Variants in EPHA6 observed in about 807,000 individuals in gnomAD.
EPHA6 encodes the protein ephrin type-A receptor 6.
A neutral mutation model predicts 112.0 loss-of-function variants in EPHA6; 50 were observed. The observed-to-expected ratio is 0.45, with a 90% confidence interval of 0.36 to 0.56. The LOEUF is 0.56. EPHA6 is among the 20% of genes least tolerant of loss of function. The pLI is 0.00. For synonymous variants in EPHA6, 529 were observed against 490.7 expected (o/e 1.08, Z -1.03); for missense variants, 1,280 against 1,417.4 (o/e 0.90, Z 1.56).
intron 2 of EPHA6, among the ~76,000 whole-genome samples, chr3:96,951,917 TC>T (rs1379841528): frequency 2.0e-5 from 3 of 152,232 alleles, no homozygotes; most frequent in African/African-American, 7.2e-5. Context: ...TAGCATGGTC[TC>T]CAGGAAGGAA....
rs549262366 is a variant in EPHA6, at chr3:97,251,434, T to G, written c.1606+7147T>G. 1.3e-3 allele frequency among the ~76,000 whole-genome samples: 201 copies of G among 151,812 alleles called. 1 individual carries two copies. The highest frequency in any genetic ancestry group is 4.2e-3 in the African/African-American group (173 of 41,468). On this transcript the variant is annotated intron_variant, in intron 5 of 17. Coordinates refer to ENST00000389672, the MANE Select transcript of EPHA6 (RefSeq NM_001080448.3). ...AGTCCCAGCTACTCGGGAGGCTGAA[T>G]CAGGAGAATGGCCTGAACCCAGGAG...
At chr3:97,334,604 C>A (rs1419304245) in intron 5 of EPHA6, among the ~76,000 whole-genome samples, 6 of 151,534 alleles carry the variant, frequency 4.0e-5, no homozygotes, top group African/African-American at 1.5e-4. Flanking sequence ...TTCAGCCTCT[C>A]AAGTAGCTGG....
intron 17 of EPHA6, 51 bp downstream of exon 17, chr3:97,747,623 T>TA: frequency 2.7e-6 from 4 of 1,487,622 alleles, no homozygotes; most frequent in Non-Finnish European, 3.6e-6. Context: ...CTGGGGATTA[T>TA]AAGTTCAAAT....
At chr3:96,912,727 A>G (rs1211129704) in intron 2 of EPHA6, among the ~76,000 whole-genome samples, 8 of 152,052 alleles carry the variant, frequency 5.3e-5, no homozygotes, top group Non-Finnish European at 1.2e-4. Context: ...AGCTAGGACT[A>G]CAGGTGTGTG....
At chr3:96,899,350 C>T (rs2107566502) in intron 2 of EPHA6, among the ~76,000 whole-genome samples, 1 of 152,166 alleles carries the variant, frequency 6.6e-6, no homozygotes, top group Non-Finnish European at 1.5e-5. Flanking sequence ...TCATTATTAT[C>T]TTAATTACAT....
intron 2 of EPHA6, among the ~76,000 whole-genome samples, chr3:96,945,506 C>T (rs62263701): frequency 6.6e-6 from 1 of 152,122 alleles, no homozygotes; most frequent in African/African-American, 2.4e-5. Flanking sequence ...GTGTTACTAA[C>T]CCTACAAAAT....
At chr3:97,395,188 C>T (rs1191808220) in intron 5 of EPHA6, among the ~76,000 whole-genome samples, 1 of 151,588 alleles carries the variant, frequency 6.6e-6, no homozygotes, top group Non-Finnish European at 1.5e-5. Flanking sequence ...GCATATAAGT[C>T]TCATGTATAT....
intron 3 of EPHA6, among the ~76,000 whole-genome samples, chr3:97,207,065 CA>C (rs1265596852): frequency 6.6e-6 from 1 of 151,982 alleles, no homozygotes; most frequent in Admixed American, 6.6e-5. Context: ...GTGTATATTA[CA>C]ATTTGCAAAT....
intron 3 of EPHA6, among the ~76,000 whole-genome samples, chr3:97,189,936 T>C (rs2077255970): frequency 6.6e-6 from 1 of 152,080 alleles, no homozygotes; most frequent in African/African-American, 2.4e-5. Context: ...CAGAATCCCA[T>C]GTAGATCTCC....
chr3:97,431,144 T>A (rs996230098), intron 6 of EPHA6, among the ~76,000 whole-genome samples: 1 of 152,140 alleles, frequency 6.6e-6, no homozygotes, highest in Non-Finnish European at 1.5e-5. Context: ...TGTGAGATTG[T>A]TTCTATTTTC....
intron 3 of EPHA6, among the ~76,000 whole-genome samples, chr3:97,093,084 A>G (rs911449828): frequency 6.6e-6 from 1 of 152,134 alleles, no homozygotes; most frequent in African/African-American, 2.4e-5. Flanking sequence ...ATTGGTGAGA[A>G]CCCACCAACA....
At chr3:97,075,191 G>A (rs1035508451) in intron 3 of EPHA6, among the ~76,000 whole-genome samples, 2 of 152,048 alleles carry the variant, frequency 1.3e-5, no homozygotes, top group African/African-American at 4.8e-5. Flanking sequence ...GAGCAAAGGT[G>A]AATTTTAAGA....
chr3:96,945,015 T>C (rs1337855520), intron 2 of EPHA6, among the ~76,000 whole-genome samples: 2 of 152,198 alleles, frequency 1.3e-5, no homozygotes, highest in East Asian at 1.9e-4. Context: ...TCTACAGTTT[T>C]CATTGTTTTA....
At chr3:97,542,439 G>A (rs895694408) in intron 11 of EPHA6, among the ~76,000 whole-genome samples, 1 of 152,074 alleles carries the variant, frequency 6.6e-6, no homozygotes, top group Non-Finnish European at 1.5e-5. Flanking sequence ...ATTTTTTATG[G>A]CTGCATAGTA....
chr3:97,213,472 T>G (rs1310538731), intron 3 of EPHA6, among the ~76,000 whole-genome samples: 1 of 151,900 alleles, frequency 6.6e-6, no homozygotes, highest in Non-Finnish European at 1.5e-5. Flanking sequence ...AAAAAACGGG[T>G]GGGGAATTGC....
At chr3:96,822,619 A>T (rs2033347412) in intron 1 of EPHA6, among the ~76,000 whole-genome samples, 2 of 151,670 alleles carry the variant, frequency 1.3e-5, no homozygotes, top group South Asian at 4.1e-4. Context: ...TATTTAATTT[A>T]TTATTTTACT....
intron 10 of EPHA6, among the ~76,000 whole-genome samples, chr3:97,507,666 C>G (rs2092282845): frequency 6.6e-6 from 1 of 152,104 alleles, no homozygotes; most frequent in Non-Finnish European, 1.5e-5. Context: ...CAGGATGATG[C>G]TGGCCTCTTA....
At chr3:97,200,174 A>C (rs1274992620) in intron 3 of EPHA6, among the ~76,000 whole-genome samples, 2 of 152,144 alleles carry the variant, frequency 1.3e-5, no homozygotes, top group Admixed American at 1.3e-4. Flanking sequence ...CACTCAATCA[A>C]GTATAAGAGA....
intron 3 of EPHA6, among the ~76,000 whole-genome samples, chr3:97,040,675 C>G: frequency 6.6e-6 from 1 of 152,010 alleles, no homozygotes; most frequent in East Asian, 1.9e-4. Context: ...AGAGATGATT[C>G]CTGAAATAAA....
Sources: allele counts gnomAD v4.1 joint callset (sites outside exome capture counted in the v4.1 genomes callset), GRCh38; gene constraint gnomAD v4.1.1; transcripts MANE v1.5; gene names NCBI Gene and HGNC (gene_info 2026-07-23, HGNC 2026-07-21).